The following MAP1LC3B variants were observed in gnomAD, a reference collection of about 807,000 sequenced individuals.
MAP1LC3B encodes the protein microtubule-associated protein 1 light chain 3 beta.
Under a neutral mutation model 16.7 loss-of-function variants are expected in MAP1LC3B, and 12 were observed. The ratio of observed to expected loss-of-function variants is 0.72; its 90% confidence interval spans 0.46 to 1.16. The LOEUF is 1.16. MAP1LC3B is among the 50% of genes most tolerant of loss of function. The pLI is 0.00. For missense variants in MAP1LC3B, 155 were observed against 159.5 expected (o/e 0.97, Z 0.15); for synonymous variants, 63 against 56.5 (o/e 1.11, Z -0.51).
At chr16:87,400,714 T>A (rs1021407543) in intron 2 of MAP1LC3B, among the ~76,000 whole-genome samples, 1 of 152,056 alleles carries the variant, frequency 6.6e-6, no homozygotes, top group African/African-American at 2.4e-5. Context: ...CTTTTTTTTT[T>A]TTTTTAATGG....
chr16:87,396,759 G>A (rs1907821522), intron 1 of MAP1LC3B: 1 of 152,158 alleles, frequency 6.6e-6, no homozygotes, highest in Admixed American at 6.5e-5. Context: ...AAGTAGAGAA[G>A]GAGTCAAAGG....
chr16:87,396,942 C>A (rs1388708972), intron 1 of MAP1LC3B: 1 of 152,194 alleles, frequency 6.6e-6, no homozygotes, highest in Admixed American at 6.5e-5. Context: ...ATTCTCCTAC[C>A]TCAGCCTCCC....
At chr16:87,398,937 C>G in intron 2 of MAP1LC3B, 67 bp downstream of exon 2, 1 of 1,390,088 alleles carries the variant, frequency 7.2e-7, no homozygotes, top group Non-Finnish European at 1.0e-6. Context: ...ATAAGTGCAT[C>G]CACTTGACGG....
chr16:87,392,931 A>G (rs1263490075), intron 1 of MAP1LC3B: 1 of 152,172 alleles, frequency 6.6e-6, no homozygotes, highest in African/African-American at 2.4e-5. Context: ...GCCGGGACCC[A>G]GCGCGTCACC....
At chr16:87,398,936 T>A in intron 2 of MAP1LC3B, 66 bp downstream of exon 2, 1 of 1,405,818 alleles carries the variant, frequency 7.1e-7, no homozygotes, top group South Asian at 1.2e-5. Context: ...CATAAGTGCA[T>A]CCACTTGACG....
intron 1 of MAP1LC3B, chr16:87,396,928 A>G (rs1464585601): frequency 6.6e-6 from 1 of 152,188 alleles, no homozygotes; most frequent in Admixed American, 6.5e-5. Flanking sequence ...CCCGGGTTCA[A>G]GCGATTCTCC....
At chr16:87,400,863 C>T (rs1432315049) in intron 2 of MAP1LC3B, among the ~76,000 whole-genome samples, 7 of 151,926 alleles carry the variant, frequency 4.6e-5, no homozygotes, top group Admixed American at 3.3e-4. Flanking sequence ...TGGCCGGACG[C>T]GGTGGCTCAC....
At chr16:87,397,423 C>T (rs1023328894) in intron 1 of MAP1LC3B, among the ~76,000 whole-genome samples, 25 of 152,064 alleles carry the variant, frequency 1.6e-4, no homozygotes, top group Admixed American at 1.5e-3. Context: ...TGGAGACCAT[C>T]CTGGTTAACA....
chr16:87,402,999 C>T lies in MAP1LC3B; in HGVS notation c.280C>T (p.Pro94Ser). 6.2e-7 allele frequency: 1 copy of T among 1,614,048 alleles called. No homozygotes were observed. The highest frequency in any genetic ancestry group is 8.5e-7 in the Non-Finnish European group (1 of 1,179,938). The change falls in exon 4 of 4, where the codon CCA becomes TCA. Residue 94 changes from proline to serine, a missense_variant. Physicochemically the swap from Pro to Ser is moderately conservative, Grantham distance 74 (BLOSUM62 -1). Transcript: ENST00000268607. ...ACACAGCATGGTCAGCGTCTCCACA[C>T]CAATCTCAGAGGTGTATGAGAGTGA... ...NGHSMVSVST[P>S]ISEVYESEKD... is the part of the protein sequence containing the mutation.
At position 87,397,264 on chromosome 16, in the gene MAP1LC3B, CAG is replaced by C. The variant is rs375769400; in HGVS notation, c.41-1549_41-1548del. On this transcript the variant is annotated intron_variant, in intron 1 of 3. Transcript: ENST00000268607. ...GATTTTAAAGTTTTGGATGGGGAAACAGAAGTCGAACTTATGGCTGTACTTGA... is the reference window on the plus strand; with the variant it reads ...GATTTTAAAGTTTTGGATGGGGAAACAAGTCGAACTTATGGCTGTACTTGA... 2.0e-3 allele frequency among the ~76,000 whole-genome samples: 301 copies of C among 152,262 alleles called. 1 individual carries two copies. The highest frequency in any genetic ancestry group is 6.8e-3 in the African/African-American group (283 of 41,546).
intron 1 of MAP1LC3B, 144 bp from the exon 2 acceptor site, chr16:87,398,671 T>C (rs1371568881): frequency 7.0e-6 from 5 of 715,806 alleles, no homozygotes; most frequent in Non-Finnish European, 1.2e-5. Context: ...GTTCGTGTTT[T>C]GTTTCTTTAA....
At chr16:87,398,093 G>A (rs1388409729) in intron 1 of MAP1LC3B, among the ~76,000 whole-genome samples, 3 of 151,604 alleles carry the variant, frequency 2.0e-5, no homozygotes, top group Admixed American at 6.6e-5. Flanking sequence ...TGCAATGTCC[G>A]CTCACTGCAA....
At chr16:87,395,122 A>C (rs1907754221) in intron 1 of MAP1LC3B, among the ~76,000 whole-genome samples, 1 of 152,240 alleles carries the variant, frequency 6.6e-6, no homozygotes, top group Non-Finnish European at 1.5e-5. Flanking sequence ...ATTTTACTTA[A>C]AATGACTGAA....
In MAP1LC3B at chr16:87,404,716, G is replaced by C. The variant is rs1908119260; in HGVS notation, c.*1619G>C. The C allele has an allele frequency of 6.6e-6, 1 of 152,142 alleles. No homozygotes were observed. The highest frequency in any genetic ancestry group is 2.4e-5 in the African/African-American group (1 of 41,418). The allele number at this position is 152,142 out of a possible 1,614,324, so 9.4% of individuals were successfully genotyped here. Reference sequence around the variant, plus strand: ...CATGTGAGTGGTCACTTTATTTATAGGATCTTTAAAACATTTTTAATGAAC... The same window carrying C: ...CATGTGAGTGGTCACTTTATTTATACGATCTTTAAAACATTTTTAATGAAC... On this transcript the variant is annotated 3_prime_UTR_variant, in exon 4 of 4. Transcript: ENST00000268607.
chr16:87,392,566 G>C (rs112529410), intron 1 of MAP1LC3B, 99 bp downstream of exon 1: 14,887 of 1,122,526 alleles, frequency 0.013, 125 homozygotes, highest in Non-Finnish European at 0.015. Flanking sequence ...GGGCCGAGCC[G>C]GGAGGCCGAG....
chr16:87,401,615 C>T (rs1010647711), intron 2 of MAP1LC3B, among the ~76,000 whole-genome samples: 1 of 152,204 alleles, frequency 6.6e-6, no homozygotes, highest in Non-Finnish European at 1.5e-5. Context: ...TCACTGCAAC[C>T]TCCGCCTCCT....
At chr16:87,401,540 T>A (rs1567501151) in intron 2 of MAP1LC3B, among the ~76,000 whole-genome samples, 1 of 152,198 alleles carries the variant, frequency 6.6e-6, no homozygotes, top group Non-Finnish European at 1.5e-5. Context: ...ATGACTATTT[T>A]ATTTATTTAT....
intron 1 of MAP1LC3B, among the ~76,000 whole-genome samples, chr16:87,396,061 G>T (rs1428513975): frequency 6.6e-6 from 1 of 151,118 alleles, no homozygotes. Flanking sequence ...GGGTTTCACC[G>T]TGTTGGCCAG....
At chr16:87,399,713 A>G (rs1907919928) in intron 2 of MAP1LC3B, 2 of 391,602 alleles carry the variant, frequency 5.1e-6, no homozygotes, top group Non-Finnish European at 1.0e-5. Flanking sequence ...AAACTAAAAA[A>G]AAACAAAATA....
Sources: gnomAD v4.1 joint callset for allele counts (sites outside exome capture counted in the v4.1 genomes callset) on GRCh38, gnomAD v4.1.1 for gene constraint, MANE v1.5 for transcripts, NCBI Gene and HGNC (gene_info 2026-07-23, HGNC 2026-07-21) for gene names.